PALLD: variants seen among roughly 807,000 people sequenced by gnomAD.
PALLD encodes the protein palladin.
PALLD carries 61 observed loss-of-function variants against 123.5 expected under a neutral mutation model. That is an observed-to-expected ratio of 0.49 (90% CI 0.40 to 0.61). PALLD has a LOEUF of 0.61. PALLD is among the 20% of genes least tolerant of loss of function. The pLI is 0.00. For missense variants in PALLD, 1,273 were observed against 1,377.0 expected (o/e 0.92, Z 1.20); for synonymous variants, 465 against 496.4 (o/e 0.94, Z 0.84).
chr4:168,867,906 G>GAAA (rs531178016), intron 10 of PALLD, among the ~76,000 whole-genome samples: 7 of 110,204 alleles, frequency 6.4e-5, no homozygotes, highest in African/African-American at 2.3e-4. Context: ...TAAGTGAAGA[G>GAAA]AAAAAAAAAA....
intron 2 of PALLD, among the ~76,000 whole-genome samples, chr4:168,566,407 C>G (rs577302978): frequency 6.6e-6 from 1 of 152,306 alleles, no homozygotes; most frequent in African/African-American, 2.4e-5. Flanking sequence ...AATCAATCCT[C>G]CTACCTCAGC....
At chr4:168,620,261 C>T (rs965053041) in intron 2 of PALLD, among the ~76,000 whole-genome samples, 1 of 152,176 alleles carries the variant, frequency 6.6e-6, no homozygotes, top group African/African-American at 2.4e-5. Context: ...TCGAGACCAG[C>T]CTGACCAACA....
intron 1 of PALLD, among the ~76,000 whole-genome samples, chr4:168,498,962 G>A (rs1368968462): frequency 6.6e-6 from 1 of 151,850 alleles, no homozygotes; most frequent in Non-Finnish European, 1.5e-5. Context: ...ATTAGATTAT[G>A]TCCTTGAAAT....
At chr4:168,736,644 G>T (rs949719043) in intron 10 of PALLD, among the ~76,000 whole-genome samples, 8 of 152,188 alleles carry the variant, frequency 5.3e-5, no homozygotes, top group African/African-American at 1.9e-4. Flanking sequence ...TCCTGGACTT[G>T]CAGAAGGCCC....
chr4:168,810,147 G>A (rs1328205419), intron 10 of PALLD, among the ~76,000 whole-genome samples: 3 of 152,000 alleles, frequency 2.0e-5, no homozygotes, highest in Non-Finnish European at 2.9e-5. Context: ...AAGCAAGATC[G>A]TAAGAGGTTG....
In PALLD at chr4:168,852,842, T is replaced by C. The variant is rs118176877; in HGVS notation, c.1965-38080T>C. ...CCCTCTAATGCTTTCTAGGTGTGGATATCAAGAAACCTACATGTTGTGTTT... is the reference window on the plus strand; with the variant it reads ...CCCTCTAATGCTTTCTAGGTGTGGACATCAAGAAACCTACATGTTGTGTTT... On this transcript the variant is annotated intron_variant, in intron 10 of 21. Coordinates refer to ENST00000505667, the MANE Select transcript of PALLD (RefSeq NM_001166108.2). Among the ~76,000 whole-genome samples the C allele has an allele frequency of 9.8e-5, 15 of 152,366 alleles. No homozygotes were observed. In the East Asian group the frequency reaches 2.9e-3, roughly 29 times the overall value.
chr4:168,896,682 A>G lies in PALLD; in HGVS notation c.2250+83A>G, dbSNP rs1396814751. On this transcript the variant is annotated intron_variant, in intron 13 of 21. Coordinates refer to ENST00000505667, the MANE Select transcript of PALLD (RefSeq NM_001166108.2). ...TTCTTCCTGTTTTACGTGTGTTTCT[A>G]TCTTTTCTGCCATATATTAATTATA... is the stretch of plus-strand genomic sequence containing the variant. 9.2e-6 allele frequency: 7 copies of G among 759,300 alleles called. No individual in the cohort carries two copies. The Admixed American group carries it at 1.2e-4, about 13-fold the overall frequency. The allele number at this position is 759,300 out of a possible 1,614,324, so 47.0% of individuals were successfully genotyped here. A position where few individuals can be genotyped will look rare whatever the true frequency, so the allele number is the denominator to read the frequency against.
chr4:168,698,436 C>G (rs1417648162), intron 8 of PALLD, among the ~76,000 whole-genome samples: 1 of 152,054 alleles, frequency 6.6e-6, no homozygotes, highest in Admixed American at 6.5e-5. Context: ...ACCCTGTTCT[C>G]CATGATGTGA....
chr4:168,590,080 G>A (rs1053405666), intron 2 of PALLD, among the ~76,000 whole-genome samples: 1 of 152,250 alleles, frequency 6.6e-6, no homozygotes, highest in African/African-American at 2.4e-5. Context: ...GCTCACGCCT[G>A]TAATCCCAGT....
At chr4:168,754,408 A>G (rs75525380) in intron 10 of PALLD, among the ~76,000 whole-genome samples, 1,900 of 152,314 alleles carry the variant, frequency 0.012, 38 homozygotes, top group African/African-American at 0.043. Context: ...AAATGAGCTG[A>G]TGTGGATGCA....
At chr4:168,556,478 A>C (rs531659515) in intron 2 of PALLD, among the ~76,000 whole-genome samples, 1 of 152,188 alleles carries the variant, frequency 6.6e-6, no homozygotes, top group Non-Finnish European at 1.5e-5. Context: ...TCTTCCATTC[A>C]CATATATTTT....
intron 10 of PALLD, chr4:168,832,193 T>G (rs1406302699): frequency 1.0e-6 from 1 of 985,326 alleles, no homozygotes; most frequent in Non-Finnish European, 1.2e-6. Context: ...GAATCGGCCC[T>G]GAGGCTGGTG....
intron 2 of PALLD, among the ~76,000 whole-genome samples, chr4:168,615,758 G>C (rs1774166490): frequency 6.6e-6 from 1 of 152,234 alleles, no homozygotes; most frequent in South Asian, 2.1e-4. Flanking sequence ...ACTCACCAAA[G>C]CAATGAAGGG....
At chr4:168,766,528 C>T (rs1202755655) in intron 10 of PALLD, among the ~76,000 whole-genome samples, 2 of 152,314 alleles carry the variant, frequency 1.3e-5, no homozygotes, top group South Asian at 2.1e-4. Context: ...CCAAGGCAGG[C>T]GGTTGTCCAG....
chr4:168,914,215 C>G lies in PALLD; in HGVS notation c.2717+194C>G, dbSNP rs989484536. The G allele has an allele frequency of 1.8e-5, 11 of 599,406 alleles. No homozygotes were observed. The South Asian group carries it at 2.2e-4, about 12-fold the overall frequency. The allele number at this position is 599,406 out of a possible 1,614,324, so 37.1% of individuals were successfully genotyped here. On this transcript the variant is annotated intron_variant, in intron 16 of 21. Transcript: ENST00000505667. ...CAGAAAGGGAATGGGAACAAACATT[C>G]GCTAATGTGTGCTAAGCCCATTCAC... is the stretch of plus-strand genomic sequence containing the variant.
chr4:168,702,577 C>T (rs1364987447), intron 8 of PALLD, among the ~76,000 whole-genome samples: 8 of 151,924 alleles, frequency 5.3e-5, no homozygotes, highest in African/African-American at 7.2e-5. Context: ...AAAGAACATG[C>T]GTGTCGGAGA....
chr4:168,610,741 G>GT (rs1773647839), intron 2 of PALLD, among the ~76,000 whole-genome samples: 1 of 152,138 alleles, frequency 6.6e-6, no homozygotes, highest in Non-Finnish European at 1.5e-5. Context: ...GTTCCTCTTA[G>GT]TTTTTCCAGT....
intron 15 of PALLD, 189 bp downstream of exon 15, chr4:168,904,095 T>C (rs1757117461): frequency 1.6e-6 from 1 of 616,624 alleles, no homozygotes; most frequent in Non-Finnish European, 2.9e-6. Context: ...ACTTATTTAT[T>C]CCATCAGGTG....
intron 10 of PALLD, among the ~76,000 whole-genome samples, chr4:168,852,809 T>C (rs62332978): frequency 0.62 from 93,655 of 151,384 alleles, 33,001 homozygotes; most frequent in East Asian, 0.95. Flanking sequence ...CTACAATTTC[T>C]CTTAATTCCC....
Sources: allele counts gnomAD v4.1 joint callset (sites outside exome capture counted in the v4.1 genomes callset), GRCh38; gene constraint gnomAD v4.1.1; transcripts MANE v1.5; gene names NCBI Gene and HGNC (gene_info 2026-07-23, HGNC 2026-07-21).